Variants in TAF2 observed in about 807,000 individuals in gnomAD.
TAF2 encodes the protein TATA-box binding protein associated factor 2, also known as transcription initiation factor TFIID subunit 2.
A neutral mutation model predicts 138.5 loss-of-function variants in TAF2; 61 were observed. That is an observed-to-expected ratio of 0.44 (90% CI 0.36 to 0.54). The LOEUF is 0.54. Ranked by LOEUF, TAF2 falls within the 20% of genes least tolerant of loss-of-function variation. The probability of loss-of-function intolerance (pLI) is 0.00; values close to 1 mark genes in which losing one functional copy is unlikely to be tolerated. For missense variants in TAF2, 1,090 were observed against 1,427.9 expected (o/e 0.76, Z 3.81); for synonymous variants, 475 against 469.9 (o/e 1.01, Z -0.14).
chr8:119,803,263 C>T (rs370840950), intron 5 of TAF2, among the ~76,000 whole-genome samples: 4 of 152,222 alleles, frequency 2.6e-5, no homozygotes, highest in African/African-American at 2.4e-5. Context: ...GAAAATTCAT[C>T]GAGCTTTACA....
intron 22 of TAF2, among the ~76,000 whole-genome samples, chr8:119,753,228 T>A (rs1480392599): frequency 6.6e-6 from 1 of 152,222 alleles, no homozygotes; most frequent in Non-Finnish European, 1.5e-5. Context: ...CCAGCCAGTT[T>A]ATTTTTCTTC....
chr8:119,784,059 A>T (rs1822854648), intron 15 of TAF2, among the ~76,000 whole-genome samples: 1 of 152,216 alleles, frequency 6.6e-6, no homozygotes, highest in South Asian at 2.1e-4. Context: ...TTTTTCAAAC[A>T]GCAAGTTCTG....
intron 22 of TAF2, among the ~76,000 whole-genome samples, chr8:119,753,826 A>G (rs1159733431): frequency 1.3e-5 from 2 of 152,174 alleles, no homozygotes; most frequent in Non-Finnish European, 2.9e-5. Flanking sequence ...GTAACCTATC[A>G]TGGTCAAGGA....
At chr8:119,744,484 C>T (rs1459077926) in intron 23 of TAF2, 91 bp from the exon 24 acceptor site, 2 of 1,051,168 alleles carry the variant, frequency 1.9e-6, no homozygotes, top group Non-Finnish European at 3.0e-6. Context: ...AGCAGAGAGG[C>T]CATAGGATAT....
intron 18 of TAF2, among the ~76,000 whole-genome samples, chr8:119,765,135 T>C (rs982170271): frequency 2.0e-5 from 3 of 152,086 alleles, no homozygotes; most frequent in African/African-American, 7.2e-5. Context: ...ATTAAATACT[T>C]CCTAAATAGT....
intron 10 of TAF2, among the ~76,000 whole-genome samples, chr8:119,793,043 T>C (rs1284915135): frequency 2.0e-5 from 3 of 152,128 alleles, no homozygotes; most frequent in South Asian, 2.1e-4. Context: ...GGCAGGAGGA[T>C]TGCTTGAGCC....
At chr8:119,810,249 C>G (rs1194390481) in intron 3 of TAF2, among the ~76,000 whole-genome samples, 1 of 152,102 alleles carries the variant, frequency 6.6e-6, no homozygotes, top group Non-Finnish European at 1.5e-5. Context: ...AATGGAATCA[C>G]ATAGAATGCT....
rs189993830 is a variant in TAF2, at chr8:119,731,653, C to T, written c.*271G>A. 6 of 465,418 alleles carry T rather than the reference C, an allele frequency of 1.3e-5. No homozygotes were observed. The highest frequency in any genetic ancestry group is 3.9e-5 in the African/African-American group (2 of 51,234). The allele number at this position is 465,418 out of a possible 1,614,324, so 28.8% of individuals were successfully genotyped here. A position where few individuals can be genotyped will look rare whatever the true frequency, so the allele number is the denominator to read the frequency against. On this transcript the variant is annotated 3_prime_UTR_variant, in exon 26 of 26. Transcript: ENST00000378164. ...CGGGGACTGCCAGTGGATATGAGGG[C>T]TTTTATGAAAGGGAGTTTGCTCTGT...
chr8:119,782,674 A>T (rs1248022522), intron 16 of TAF2, among the ~76,000 whole-genome samples: 1 of 152,146 alleles, frequency 6.6e-6, no homozygotes, highest in Non-Finnish European at 1.5e-5. Context: ...CATTTTTCTG[A>T]TTTTCATTTG....
rs1822939180 is a variant in TAF2, at chr8:119,785,244, G to C, written c.1816C>G (p.Leu606Val). 1 of 1,612,652 alleles carries C rather than the reference G, an allele frequency of 6.2e-7. No individual in the cohort carries two copies. Among genetic ancestry groups the C allele is most frequent in the Non-Finnish European group, 8.5e-7 (1 of 1,179,222 alleles). The change falls in exon 15 of 26, where the codon CTG (leucine) becomes GTG (valine). Residue 606 changes from leucine to valine, a missense_variant. Around this residue, in one of 3 missense-constraint regions of TAF2, gnomAD observed 580 missense variants for 719.6 expected, o/e 0.81. Transcript: ENST00000378164. ...ATATCAACTTCTTCTCCATTCATCA[G>C]TGGGATTTTTTTCTTTTTATTCCTA... ...SRRNKKKKIPLMNGEEVDMDL... is the reference protein window; with the variant it reads ...SRRNKKKKIPVMNGEEVDMDL...
At chr8:119,825,502 G>C (rs1212887155) in intron 2 of TAF2, among the ~76,000 whole-genome samples, 1 of 152,120 alleles carries the variant, frequency 6.6e-6, no homozygotes, top group Non-Finnish European at 1.5e-5. Context: ...TGAAATGTGA[G>C]GGCTTAAGAT....
chr8:119,744,236 G>T, intron 24 of TAF2, 52 bp downstream of exon 24: 1 of 1,444,724 alleles, frequency 6.9e-7, no homozygotes, highest in Non-Finnish European at 9.7e-7. Flanking sequence ...TTAGAATACT[G>T]ACATCAACCA....
intron 6 of TAF2, among the ~76,000 whole-genome samples, chr8:119,798,448 ATC>A (rs1187528521): frequency 6.6e-6 from 1 of 152,172 alleles, no homozygotes; most frequent in Non-Finnish European, 1.5e-5. Context: ...TCTTATTATG[ATC>A]TGTGCCAAAT....
Position 119,791,462 on chromosome 8 carries a change from A to G in TAF2, c.1278-3T>C, listed in dbSNP as rs1206034869. ...AAAAGTGTAGATGGGAAGCCGGACT[A>G]AAAAAAATAAACACATTTACCTAAT... is the stretch of plus-strand genomic sequence containing the variant. On this transcript the variant is annotated splice_region_variant and splice_polypyrimidine_tract_variant and intron_variant, in intron 10 of 25. Transcript: ENST00000378164. 1 of 1,601,652 alleles carries G rather than the reference A, an allele frequency of 6.2e-7. No individual in the cohort carries two copies. Among genetic ancestry groups the G allele is most frequent in the East Asian group, 2.3e-5 (1 of 44,396 alleles).
At position 119,781,055 on chromosome 8, in the gene TAF2, TC is replaced by T; in HGVS notation, c.2250del (p.Lys751ArgfsTer10). 1.2e-6 allele frequency: 2 copies of T among 1,612,620 alleles called. No individual in the cohort carries two copies. The highest frequency in any genetic ancestry group is 1.7e-6 in the Non-Finnish European group (2 of 1,179,814). On this transcript the variant is annotated frameshift_variant, in exon 17 of 26. Transcript: ENST00000378164. LOFTEE classifies it high-confidence loss of function. ...GAAAATTAGAAAGTAAACTGTACCT[TC>T]TGTAGAAAATAGCTTTGAAAGCTCA... The part of the protein sequence containing the change: ...NFMSFQSYFL[Q>X]KTMPVAMALL...
intron 14 of TAF2, among the ~76,000 whole-genome samples, chr8:119,787,027 T>G (rs1823060936): frequency 6.6e-6 from 1 of 152,150 alleles, no homozygotes; most frequent in African/African-American, 2.4e-5. Flanking sequence ...CCAAAAGCAT[T>G]GGCAACAAAA....
At chr8:119,762,165 G>A (rs1405241109) in intron 19 of TAF2, among the ~76,000 whole-genome samples, 1 of 152,076 alleles carries the variant, frequency 6.6e-6, no homozygotes, top group East Asian at 1.9e-4. Flanking sequence ...GAGAAAGTAT[G>A]ATATAAACAG....
intron 19 of TAF2, chr8:119,761,897 A>C (rs1242234074): frequency 6.6e-6 from 1 of 152,528 alleles, no homozygotes; most frequent in Non-Finnish European, 1.5e-5. Context: ...AGTATTTAGC[A>C]TAAAATATAA....
In TAF2 at chr8:119,817,388, G is replaced by C. The variant is rs567113303; in HGVS notation, c.299+1958C>G. On this transcript the variant is annotated intron_variant, in intron 3 of 25. Transcript: ENST00000378164. ...ACTCTATTGTGAACTGCGCATGCAAGAGATCTAGGTCGCACACTACTTATG... is the reference window on the plus strand; with the variant it reads ...ACTCTATTGTGAACTGCGCATGCAACAGATCTAGGTCGCACACTACTTATG... Among the ~76,000 whole-genome samples, 3 of 152,240 alleles carry C rather than the reference G, an allele frequency of 2.0e-5. No homozygotes were observed. In the South Asian group the frequency reaches 6.2e-4, roughly 32 times the overall value.
Sources: allele counts gnomAD v4.1 joint callset (sites outside exome capture counted in the v4.1 genomes callset), GRCh38; gene constraint gnomAD v4.1.1; regional missense constraint gnomAD v4.1.1; transcripts MANE v1.5; gene names NCBI Gene and HGNC (gene_info 2026-07-23, HGNC 2026-07-21).